MORF4L2: variants seen among roughly 807,000 people sequenced by gnomAD.
MORF4L2 encodes the protein mortality factor 4 like 2.
MORF4L2 carries 1 observed loss-of-function variant against 12.0 expected under a neutral mutation model. That is an observed-to-expected ratio of 0.08 (90% CI 0.03 to 0.40). The LOEUF (loss-of-function observed/expected upper bound fraction) is 0.40. Among genes scored for constraint, MORF4L2 ranks in the 10% least tolerant of loss-of-function variants. The pLI, the probability that MORF4L2 is intolerant of heterozygous loss-of-function variation, is 0.98. For synonymous variants in MORF4L2, 69 were observed against 81.6 expected, an observed-to-expected ratio of 0.85 and a Z score of 0.83; for missense variants, 123 against 214.0, an observed-to-expected ratio of 0.57 and a Z score of 2.65.
intron 2 of MORF4L2, among the ~76,000 whole-genome samples, chrX:103,682,987 G>A (rs946649033): frequency 8.9e-6 from 1 of 112,046 alleles, no homozygotes; most frequent in Non-Finnish European, 1.9e-5. Context: ...TTCCCCATTG[G>A]TATGAAATAC....
At chrX:103,688,033 CAA>C (rs1197182791), upstream of MORF4L2, 1 of 111,440 alleles carries the variant, frequency 9.0e-6, no homozygotes, top group Non-Finnish European at 1.9e-5. Flanking sequence ...CTTCTTCAGG[CAA>C]ATACGCACTG....
chrX:103,676,012 T>C lies in MORF4L2; in HGVS notation c.*149A>G. The C allele has an allele frequency of 1.6e-6, 1 of 622,426 alleles. No individual in the cohort carries two copies. Among genetic ancestry groups the C allele is most frequent in the Non-Finnish European group, 2.4e-6 (1 of 411,365 alleles). 51.3% of individuals were successfully genotyped at this position (622,426 alleles called of 1,213,427 possible). ...AAAAGGAGCTTACACTCCTTTTATT[T>C]TCTGTTTAAAACAGAACGGAAAACA... On this transcript the variant is annotated 3_prime_UTR_variant, in exon 4 of 4. Transcript: ENST00000441076.
rs1203176569 is a variant in MORF4L2, at chrX:103,676,584, T to G, written c.444A>C (p.Gln148His). Residue 148 changes from glutamine to histidine, a missense_variant, in exon 4 of 4, where the codon CAA becomes CAC. Coordinates refer to ENST00000441076, the MANE Select transcript of MORF4L2 (RefSeq NM_012286.3). ...DLVTRQKQLF[Q>H]LPAKKNVDAI... is the part of the protein sequence containing the mutation. ...CATCTACATTTTTCTTGGCAGGGAG[T>G]TGAAACAGCTGCTTCTGCCTGGTAA... 8.3e-7 allele frequency: 1 copy of G among 1,210,795 alleles called. No individual in the cohort carries two copies. The highest frequency in any genetic ancestry group is 2.2e-5 in the Admixed American group (1 of 45,912).
upstream of MORF4L2, chrX:103,686,767 C>T (rs1352184604): frequency 8.9e-6 from 1 of 112,082 alleles, no homozygotes; most frequent in African/African-American, 3.3e-5. Context: ...GGCGTATGCC[C>T]TTCAGCCAAT....
chrX:103,676,087 T>C lies in MORF4L2; in HGVS notation c.*74A>G, dbSNP rs763890520. ...CATTAACGATTTTAAAGAACATCAA[T>C]TTTACAAGAAAAAGACTAAGAACAA... On this transcript the variant is annotated 3_prime_UTR_variant, in exon 4 of 4. Transcript: ENST00000441076. 20 of 1,020,768 alleles carry C rather than the reference T, an allele frequency of 2.0e-5. No individual in the cohort carries two copies. In the East Asian group the frequency reaches 5.6e-4, roughly 28 times the overall value. The allele number at this position is 1,020,768 out of a possible 1,213,427, so 84.1% of individuals were successfully genotyped here.
intron 2 of MORF4L2, among the ~76,000 whole-genome samples, chrX:103,681,619 ACT>A (rs1334764786): frequency 9.0e-6 from 1 of 111,518 alleles, no homozygotes; most frequent in Non-Finnish European, 1.9e-5. Context: ...GAGATAGAAC[ACT>A]CTCAATACAC....
chrX:103,682,848 T>C (rs1326935516), intron 2 of MORF4L2, among the ~76,000 whole-genome samples: 2 of 112,221 alleles, frequency 1.8e-5, no homozygotes, highest in South Asian at 7.3e-4. Context: ...TTGGCTTTTA[T>C]GTCATGCTTA....
intron 2 of MORF4L2, 130 bp from the exon 3 acceptor site, chrX:103,678,781 A>C (rs1444010434): frequency 1.5e-4 from 17 of 112,803 alleles, no homozygotes; most frequent in Admixed American, 1.5e-3. Context: ...TTCTGCTGTC[A>C]GACAGATCTT....
Position 103,675,816 on chromosome X carries a change from T to G in MORF4L2, c.*345A>C, listed in dbSNP as rs1385071885. 1.5e-5 allele frequency: 2 copies of G among 137,209 alleles called. No individual in the cohort carries two copies. The highest frequency in any genetic ancestry group is 6.3e-5 in the African/African-American group (2 of 31,644). The allele number at this position is 137,209 out of a possible 1,213,427, so 11.3% of individuals were successfully genotyped here. On this transcript the variant is annotated 3_prime_UTR_variant, in exon 4 of 4. Coordinates refer to ENST00000441076, the MANE Select transcript of MORF4L2 (RefSeq NM_012286.3). ...TAAGTTGAACCTTTGGCACTAGGAA[T>G]CAGGGCGTTTTGTCACATAGCATTA... is the stretch of plus-strand genomic sequence containing the variant.
chrX:103,681,443 G>A (rs2073981444), intron 2 of MORF4L2, among the ~76,000 whole-genome samples: 1 of 111,604 alleles, frequency 9.0e-6, no homozygotes, highest in Admixed American at 9.5e-5. Context: ...TCTGTCAAAT[G>A]AGCATACCTT....
At chrX:103,687,205 G>A (rs1355443173), upstream of MORF4L2, 1 of 109,445 alleles carries the variant, frequency 9.1e-6, no homozygotes, top group African/African-American at 3.4e-5. Flanking sequence ...TAGGATAGGC[G>A]GAAATGAGCT....
chrX:103,686,016 CAT>C (rs1004940921), intron 1 of MORF4L2, among the ~76,000 whole-genome samples: 1 of 110,245 alleles, frequency 9.1e-6, no homozygotes, highest in African/African-American at 3.3e-5. Flanking sequence ...GCGTCTTAAA[CAT>C]ATTTTTACAG....
intron 2 of MORF4L2, among the ~76,000 whole-genome samples, chrX:103,683,131 T>C (rs1244888240): frequency 1.8e-5 from 2 of 110,289 alleles, no homozygotes; most frequent in Non-Finnish European, 3.8e-5. Context: ...TAGGCTGGAG[T>C]GCAGTGGCGC....
chrX:103,680,823 T>C (rs981595563), intron 2 of MORF4L2, among the ~76,000 whole-genome samples: 1 of 112,464 alleles, frequency 8.9e-6, no homozygotes, highest in Non-Finnish European at 1.9e-5. Flanking sequence ...TGTGGAATCA[T>C]CTACTAGTGG....
chrX:103,677,022 A>G lies in MORF4L2; in HGVS notation c.6T>C (p.Ser2=). ...GAGGTTGAGAACCCTGCTTTCTGGAACTCATTCAACCCTGTTTTTATTCCA... is the reference window on the plus strand; with the variant it reads ...GAGGTTGAGAACCCTGCTTTCTGGAGCTCATTCAACCCTGTTTTTATTCCA... The part of the protein sequence containing the change: M[S]SRKQGSQPRG... The change falls in exon 4 of 4, where the codon AGT becomes AGC. Residue 2 remains serine, a synonymous_variant. Coordinates refer to ENST00000441076, the MANE Select transcript of MORF4L2 (RefSeq NM_012286.3). 8.4e-7 allele frequency: 1 copy of G among 1,187,016 alleles called. No homozygotes were observed. The highest frequency in any genetic ancestry group is 1.1e-6 in the Non-Finnish European group (1 of 887,076).
chrX:103,686,130 C>A (rs979581495), intron 1 of MORF4L2, among the ~76,000 whole-genome samples: 2 of 103,703 alleles, frequency 1.9e-5, no homozygotes, highest in South Asian at 9.3e-4. Context: ...GCACTCCCCC[C>A]CCCCCCACCT....
rs369684323 is a variant in MORF4L2, at chrX:103,676,738, G to T, written c.290C>A (p.Pro97His). 8.3e-7 allele frequency: 1 copy of T among 1,202,876 alleles called. No homozygotes were observed. Among genetic ancestry groups the T allele is most frequent in the African/African-American group, 1.8e-5 (1 of 55,183 alleles). ...TGCCCGGGCCCTTTTCTTCCGAGGG[G>T]GCTGAGGTGCTTCGCTGGTACTGCC... ...DGGSTSEAPQ[P>H]PRKKRARADP... The change falls in exon 4 of 4, where the codon CCC becomes CAC. Residue 97 changes from proline to histidine, a missense_variant. By Grantham distance (77) the Pro-to-His change is moderately conservative. Transcript: ENST00000441076.
rs755017456 is a variant in MORF4L2, at chrX:103,676,892, G to A, written c.136C>T (p.Pro46Ser). 5 of 1,204,451 alleles carry A rather than the reference G, an allele frequency of 4.2e-6. No homozygotes were observed. The highest frequency in any genetic ancestry group is 3.0e-5 in the East Asian group (1 of 33,538). Residue 46 changes from proline (P) to serine (S), a missense_variant, in exon 4 of 4, where the codon CCA becomes TCA. Pro to Ser is a moderately conservative substitution (Grantham distance 74, BLOSUM62 -1). Transcript: ENST00000441076. ...GCTGGTTCAAGATTTTTCTGCTGTG[G>A]ACCAGCTGTCTTCTTTCCTGAGGAG... The part of the protein sequence containing the change: ...GASSGKKTAG[P>S]QQKNLEPALP...
intron 2 of MORF4L2, among the ~76,000 whole-genome samples, chrX:103,678,855 T>C (rs768543117): frequency 9.5e-4 from 106 of 112,120 alleles, no homozygotes; most frequent in Non-Finnish European, 1.7e-3. Flanking sequence ...TAAGCTCTCT[T>C]AGCCTTTTTC....
Sources: allele counts gnomAD v4.1 joint callset (sites outside exome capture counted in the v4.1 genomes callset), GRCh38; gene constraint gnomAD v4.1.1; transcripts MANE v1.5; gene names NCBI Gene and HGNC (gene_info 2026-07-23, HGNC 2026-07-21).